Variants in LHPP observed in about 807,000 individuals in gnomAD.
The protein encoded by LHPP is phospholysine phosphohistidine inorganic pyrophosphate phosphatase.
Under a neutral mutation model 30.3 loss-of-function variants are expected in LHPP, and 24 were observed. The ratio of observed to expected loss-of-function variants is 0.79; its 90% CI spans 0.57 to 1.11. The LOEUF (loss-of-function observed/expected upper bound fraction) is 1.11, where lower values mean the gene tolerates loss of function less well. Ranked by LOEUF, LHPP falls within the 50% of genes most tolerant of loss-of-function variation. LHPP has a pLI of 0.00. For missense variants in LHPP, 356 were observed against 367.2 expected, an observed-to-expected ratio of 0.97 and a Z score of 0.25; for synonymous variants, 150 against 157.1, an observed-to-expected ratio of 0.95 and a Z score of 0.34.
In LHPP at chr10:124,584,515, G is replaced by A. The variant is rs190551100; in HGVS notation, c.717-28749G>A. On this transcript the variant is annotated intron_variant, in intron 6 of 6. Coordinates refer to ENST00000368842, the MANE Select transcript of LHPP (RefSeq NM_022126.4). ...GCCTCTTGGTTTGTCCTCACGTGGC[G>A]AAGGAGGGAAAGGAGAAACAGGGAC... Among the ~76,000 whole-genome samples the A allele has an allele frequency of 1.1e-4, 17 of 152,230 alleles. No homozygotes were observed. In the East Asian group the frequency reaches 1.5e-3, roughly 14 times the overall value.
intron 5 of LHPP, among the ~76,000 whole-genome samples, chr10:124,513,146 A>G (rs901970954): frequency 5.3e-5 from 8 of 151,776 alleles, no homozygotes; most frequent in African/African-American, 1.7e-4. Context: ...CTGGAGTGCA[A>G]TGGTTGCAAT....
chr10:124,530,121 T>C (rs1563274), intron 6 of LHPP, among the ~76,000 whole-genome samples: 9,949 of 152,148 alleles, frequency 0.065, 420 homozygotes, highest in East Asian at 0.2. Context: ...CCAGGAGCGG[T>C]GGGCAGGGGC....
At chr10:124,498,865 C>T in intron 5 of LHPP, 1 of 254,090 alleles carries the variant, frequency 3.9e-6, no homozygotes, top group Non-Finnish European at 7.8e-6. Flanking sequence ...CAGGTATATG[C>T]CACCACGCCT....
At chr10:124,520,681 A>G (rs896036885) in intron 6 of LHPP, among the ~76,000 whole-genome samples, 3 of 152,230 alleles carry the variant, frequency 2.0e-5, no homozygotes, top group African/African-American at 7.2e-5. Context: ...CCACATGGGC[A>G]TCAAAGGAGG....
Position 124,477,095 on chromosome 10 carries a change from C to T in LHPP, c.126-7044C>T, listed in dbSNP as rs571113539. Among the ~76,000 whole-genome samples, 254 of 152,154 alleles carry T rather than the reference C, an allele frequency of 1.7e-3. 1 individual carries two copies. Among genetic ancestry groups the T allele is most frequent in the African/African-American group, 5.9e-3 (245 of 41,508 alleles). ...GCACGCGCCTGTAGTCCCAACTACT[C>T]GGGAGGTTGAGGCAGGAGAATCGCT... On this transcript the variant is annotated intron_variant, in intron 1 of 6. Transcript: ENST00000368842.
chr10:124,611,979 C>T (rs1949207565), intron 6 of LHPP, among the ~76,000 whole-genome samples: 1 of 152,216 alleles, frequency 6.6e-6, no homozygotes, highest in South Asian at 2.1e-4. Context: ...ACGGGCCGCT[C>T]CCCACTTCCT....
At chr10:124,536,170 C>T (rs890597828) in intron 6 of LHPP, among the ~76,000 whole-genome samples, 15 of 152,254 alleles carry the variant, frequency 9.9e-5, no homozygotes, top group African/African-American at 3.1e-4. Context: ...TGCGTGCAGA[C>T]TGGCCCTGCG....
intron 1 of LHPP, among the ~76,000 whole-genome samples, chr10:124,482,370 G>T (rs760913249): frequency 2.0e-5 from 3 of 152,218 alleles, no homozygotes; most frequent in Non-Finnish European, 4.4e-5. Context: ...GAGATCAGTG[G>T]AATGTGTGTG....
At chr10:124,462,423 C>T (rs550672713) in intron 1 of LHPP, among the ~76,000 whole-genome samples, 3 of 151,972 alleles carry the variant, frequency 2.0e-5, no homozygotes, top group Admixed American at 6.6e-5. Context: ...AGGGAGACCC[C>T]GTCTCTGCCA....
intron 6 of LHPP, among the ~76,000 whole-genome samples, chr10:124,529,771 G>T (rs1954837964): frequency 6.6e-6 from 1 of 151,400 alleles, no homozygotes; most frequent in Non-Finnish European, 1.5e-5. Context: ...CTCACATGCG[G>T]GTCCTAGACA....
At chr10:124,562,142 TAC>T (rs777748606) in intron 6 of LHPP, among the ~76,000 whole-genome samples, 7 of 151,948 alleles carry the variant, frequency 4.6e-5, no homozygotes, top group Non-Finnish European at 1.0e-4. Context: ...ACCTTGTCTC[TAC>T]AAAAATTAAA....
At position 124,496,978 on chromosome 10, in the gene LHPP, C is replaced by T. The variant is rs1953733325; in HGVS notation, c.485C>T (p.Thr162Ile). Residue 162 changes from threonine to isoleucine, a missense_variant, in exon 4 of 7, where the codon ACC (threonine) becomes ATC (isoleucine). Transcript: ENST00000368842. This position sits in a 1 kb window ranked among gnomAD's most constrained non-coding sequence, Gnocchi z 4.3. ...SLGKGRYYKE[T>I]SGLMLDVGPY... ...TCTCCTAGGCGTTACTACAAGGAGACCTCTGGCCTGATGCTGGACGTTGGT... is the reference window on the plus strand; with the variant it reads ...TCTCCTAGGCGTTACTACAAGGAGATCTCTGGCCTGATGCTGGACGTTGGT... The T allele has an allele frequency of 6.2e-7, 1 of 1,614,000 alleles. No individual in the cohort carries two copies. The highest frequency in any genetic ancestry group is 8.5e-7 in the Non-Finnish European group (1 of 1,179,954).
Position 124,572,368 on chromosome 10 carries a change from C to T in LHPP, c.717-40896C>T, listed in dbSNP as rs374864977. 7.3e-4 allele frequency among the ~76,000 whole-genome samples: 111 copies of T among 152,148 alleles called. 1 individual carries two copies. In the South Asian group the frequency reaches 0.021, roughly 29 times the overall value. Reference sequence around the variant, plus strand: ...TCAGGAGACCAGGTGCGGTGGCTCACGCCTGTAATCCCAGCACTTTGGGAG... The same window carrying T: ...TCAGGAGACCAGGTGCGGTGGCTCATGCCTGTAATCCCAGCACTTTGGGAG... On this transcript the variant is annotated intron_variant, in intron 6 of 6. Coordinates refer to ENST00000368842, the MANE Select transcript of LHPP (RefSeq NM_022126.4).
chr10:124,487,886 CAAA>C (rs958258101), intron 2 of LHPP, among the ~76,000 whole-genome samples: 5 of 152,122 alleles, frequency 3.3e-5, no homozygotes, highest in Non-Finnish European at 7.4e-5. Flanking sequence ...TGGGGGAAGA[CAAA>C]GAAGGAGAAG....
chr10:124,606,116 G>T (rs1457328427), intron 6 of LHPP, among the ~76,000 whole-genome samples: 1 of 152,176 alleles, frequency 6.6e-6, no homozygotes, highest in Non-Finnish European at 1.5e-5. Flanking sequence ...GCAGCCCGAG[G>T]GAGGCTGCCC....
chr10:124,463,643 G>A (rs965618738), intron 1 of LHPP, among the ~76,000 whole-genome samples: 9 of 151,834 alleles, frequency 5.9e-5, no homozygotes, highest in African/African-American at 9.7e-5. Flanking sequence ...GATTACAGGC[G>A]TGAGCCACCG....
chr10:124,470,677 A>T (rs1952703348), intron 1 of LHPP, among the ~76,000 whole-genome samples: 1 of 150,276 alleles, frequency 6.7e-6, no homozygotes, highest in Admixed American at 6.6e-5. Context: ...AACAACAACA[A>T]CAACAATAAT....
chr10:124,606,987 G>A (rs902155266), intron 6 of LHPP, among the ~76,000 whole-genome samples: 3 of 151,964 alleles, frequency 2.0e-5, no homozygotes, highest in Non-Finnish European at 1.5e-5. Context: ...CTCTTTTTCC[G>A]TTTCTGCCTG....
chr10:124,477,987 A>G (rs1953004197), intron 1 of LHPP, among the ~76,000 whole-genome samples: 1 of 152,074 alleles, frequency 6.6e-6, no homozygotes, highest in Admixed American at 6.5e-5. Flanking sequence ...TGGTAAACCA[A>G]GGCTCTGGTT....
Sources: allele counts gnomAD v4.1 joint callset (sites outside exome capture counted in the v4.1 genomes callset), GRCh38; gene constraint gnomAD v4.1.1; non-coding constraint Gnocchi (gnomAD v3.1); transcripts MANE v1.5; gene names NCBI Gene and HGNC (gene_info 2026-07-23, HGNC 2026-07-21).